Variants in SPHKAP observed in about 807,000 individuals in gnomAD.
SPHKAP encodes the protein SPHK1 interactor, AKAP domain containing.
Under a neutral mutation model 137.5 loss-of-function variants are expected in SPHKAP, and 67 were observed. That is an observed-to-expected ratio of 0.49 (90% CI 0.40 to 0.60). SPHKAP has a LOEUF of 0.60. Among genes scored for constraint, SPHKAP ranks in the 20% least tolerant of loss-of-function variants. The pLI, the probability that SPHKAP is intolerant of heterozygous loss-of-function variation, is 0.00. For missense variants in SPHKAP, 2,097 were observed against 2,069.3 expected, an observed-to-expected ratio of 1.01 and a Z score of -0.26; for synonymous variants, 813 against 785.3, an observed-to-expected ratio of 1.04 and a Z score of -0.59.
In SPHKAP at chr2:228,016,725, T is replaced by C. The variant is rs1294237451; in HGVS notation, c.4129A>G (p.Thr1377Ala). Residue 1377 changes from threonine (T) to alanine (A), a missense_variant, in exon 7 of 12, where the codon ACC becomes GCC. Transcript: ENST00000392056. ...SLDCPRKDSV[T>A]ECKQPPVSSL... ...GACACTGGGGGCTGTTTACATTCGGTAACAGAGTCTTTCCTCGGGCAATCG... is the reference window on the plus strand; with the variant it reads ...GACACTGGGGGCTGTTTACATTCGGCAACAGAGTCTTTCCTCGGGCAATCG... 2 of 1,614,088 alleles carry C rather than the reference T, an allele frequency of 1.2e-6. No individual in the cohort carries two copies. The highest frequency in any genetic ancestry group is 1.7e-6 in the Non-Finnish European group (2 of 1,180,020).
At chr2:228,170,551 T>G (rs1326534411) in intron 1 of SPHKAP, among the ~76,000 whole-genome samples, 1 of 152,082 alleles carries the variant, frequency 6.6e-6, no homozygotes, top group Non-Finnish European at 1.5e-5. Context: ...TTGGCAGCCA[T>G]CAACGTCAAG....
intron 3 of SPHKAP, among the ~76,000 whole-genome samples, chr2:228,060,433 C>T (rs1394112954): frequency 6.6e-6 from 1 of 152,082 alleles, no homozygotes; most frequent in Non-Finnish European, 1.5e-5. Flanking sequence ...GTGAAAGAAC[C>T]ATTACTTGGA....
intron 7 of SPHKAP, among the ~76,000 whole-genome samples, chr2:228,011,994 C>A (rs1694390761): frequency 6.6e-6 from 1 of 151,626 alleles, no homozygotes; most frequent in Non-Finnish European, 1.5e-5. Context: ...AATGACATCT[C>A]CATCTCCACA....
intron 1 of SPHKAP, among the ~76,000 whole-genome samples, chr2:228,161,405 G>A (rs12479323): frequency 0.11 from 16,471 of 152,188 alleles, 1,023 homozygotes; most frequent in East Asian, 0.2. Context: ...TGCTGCATGA[G>A]TTTCAGCCAT....
At chr2:228,064,646 A>T (rs543653879) in intron 3 of SPHKAP, among the ~76,000 whole-genome samples, 14 of 152,298 alleles carry the variant, frequency 9.2e-5, no homozygotes, top group African/African-American at 2.9e-4. Flanking sequence ...ATAGATGCTA[A>T]TTAAAGCATG....
At chr2:228,082,502 G>A (rs1697395462) in intron 3 of SPHKAP, among the ~76,000 whole-genome samples, 1 of 152,144 alleles carries the variant, frequency 6.6e-6, no homozygotes, top group African/African-American at 2.4e-5. Context: ...TCTCAGGAAG[G>A]CATCTAAAAT....
At chr2:228,179,920 A>G (rs1002410244) in intron 1 of SPHKAP, among the ~76,000 whole-genome samples, 3 of 152,216 alleles carry the variant, frequency 2.0e-5, no homozygotes, top group Non-Finnish European at 4.4e-5. Context: ...GTTATCAAAA[A>G]TCTCTGTCGG....
intron 1 of SPHKAP, among the ~76,000 whole-genome samples, chr2:228,134,290 G>A (rs1039731047): frequency 1.3e-5 from 2 of 151,794 alleles, no homozygotes; most frequent in Non-Finnish European, 2.9e-5. Flanking sequence ...AGAAACAGAG[G>A]AAGAAAGCAG....
chr2:228,115,398 C>A (rs1698677402), intron 2 of SPHKAP, among the ~76,000 whole-genome samples: 1 of 152,112 alleles, frequency 6.6e-6, no homozygotes, highest in Non-Finnish European at 1.5e-5. Flanking sequence ...TTCCTGACTT[C>A]CCTATTTGCA....
chr2:228,166,462 C>A (rs1439001719), intron 1 of SPHKAP, among the ~76,000 whole-genome samples: 1 of 152,128 alleles, frequency 6.6e-6, no homozygotes, highest in Admixed American at 6.6e-5. Flanking sequence ...AAATTCAAGT[C>A]ACTAGGTTTT....
chr2:228,037,236 G>A (rs1695656030), intron 3 of SPHKAP, among the ~76,000 whole-genome samples: 1 of 152,084 alleles, frequency 6.6e-6, no homozygotes, highest in Admixed American at 6.5e-5. Context: ...ATGCATTTCT[G>A]ATTTTCAATG....
At chr2:227,990,457 G>A (rs1693372964) in intron 11 of SPHKAP, among the ~76,000 whole-genome samples, 1 of 152,188 alleles carries the variant, frequency 6.6e-6, no homozygotes. Flanking sequence ...GTAGGTCTTA[G>A]AGATATAGAA....
At position 227,981,848 on chromosome 2, in the gene SPHKAP, C is replaced by G. The variant is rs61755300; in HGVS notation, c.4972G>C (p.Val1658Leu). Residue 1658 changes from valine (V) to leucine (L), a missense_variant, in exon 12 of 12, where the codon GTG becomes CTG. Val to Leu is a conservative substitution (Grantham distance 32). Coordinates refer to ENST00000392056, the MANE Select transcript of SPHKAP (RefSeq NM_001142644.2). ...ENRIEKFLDV[V>L]QLVHRKSWKV... Reference sequence around the variant, plus strand: ...CAGGACTTCCGATGAACCAGCTGCACGACATCTAGAAACTAAAATAAAACG... The same window carrying G: ...CAGGACTTCCGATGAACCAGCTGCAGGACATCTAGAAACTAAAATAAAACG... 13,775 of 1,612,962 alleles carry G rather than the reference C, an allele frequency of 8.5e-3. 64 individuals are homozygous for G. The highest frequency in any genetic ancestry group is 0.01 in the Admixed American group (608 of 59,904).
chr2:228,155,182 C>G (rs1700072271), intron 1 of SPHKAP, among the ~76,000 whole-genome samples: 1 of 151,846 alleles, frequency 6.6e-6, no homozygotes, highest in Non-Finnish European at 1.5e-5. Flanking sequence ...TAATGGTTAA[C>G]AATGATTACC....
chr2:228,110,040 C>T (rs575279651), intron 2 of SPHKAP, among the ~76,000 whole-genome samples: 47 of 151,598 alleles, frequency 3.1e-4, no homozygotes, highest in African/African-American at 1.0e-3. Flanking sequence ...TTCTGGTACC[C>T]TCTATTTTAT....
chr2:228,174,278 T>G (rs558475387), intron 1 of SPHKAP, among the ~76,000 whole-genome samples: 8 of 151,898 alleles, frequency 5.3e-5, no homozygotes, highest in Admixed American at 6.6e-5. Context: ...TGAGATTACA[T>G]AGTAAGATAA....
intron 3 of SPHKAP, among the ~76,000 whole-genome samples, chr2:228,100,116 C>T (rs1259684310): frequency 1.3e-5 from 2 of 152,138 alleles, no homozygotes; most frequent in Non-Finnish European, 2.9e-5. Flanking sequence ...TCCCAAAGTG[C>T]TGGGATTACA....
chr2:228,043,010 A>G (rs1397973088), intron 3 of SPHKAP, among the ~76,000 whole-genome samples: 1 of 152,222 alleles, frequency 6.6e-6, no homozygotes, highest in Non-Finnish European at 1.5e-5. Context: ...ATCCAACTAC[A>G]TACATGAAAT....
intron 11 of SPHKAP, among the ~76,000 whole-genome samples, chr2:227,984,428 AC>A (rs1270670980): frequency 6.6e-6 from 1 of 152,090 alleles, no homozygotes; most frequent in African/African-American, 2.4e-5. Flanking sequence ...CAGACTACAA[AC>A]CCTTTAGGTT....
Sources: gnomAD v4.1 joint callset for allele counts (sites outside exome capture counted in the v4.1 genomes callset) on GRCh38, gnomAD v4.1.1 for gene constraint, MANE v1.5 for transcripts, NCBI Gene and HGNC (gene_info 2026-07-23, HGNC 2026-07-21) for gene names.